The following GRIK4 variants were observed in gnomAD, a reference collection of about 807,000 sequenced individuals.
The protein encoded by GRIK4 is glutamate ionotropic receptor kainate type subunit 4.
A neutral mutation model predicts 104.9 loss-of-function variants in GRIK4; 40 were observed. The observed-to-expected ratio is 0.38, with a 90% CI of 0.30 to 0.50. GRIK4 has a LOEUF of 0.50. GRIK4 is among the 20% of genes least tolerant of loss of function. GRIK4 has a pLI of 0.93. For synonymous variants in GRIK4, 485 were observed against 524.9 expected (o/e 0.92, Z 1.04); for missense variants, 1,047 against 1,308.1 (o/e 0.80, Z 3.08).
At chr11:120,675,907 A>C (rs181136143) in intron 3 of GRIK4, among the ~76,000 whole-genome samples, 1 of 152,230 alleles carries the variant, frequency 6.6e-6, no homozygotes, top group African/African-American at 2.4e-5. Flanking sequence ...ATTTTCACAA[A>C]CTTAGTGGCT....
intron 3 of GRIK4, among the ~76,000 whole-genome samples, chr11:120,785,046 T>C (rs1400847588): frequency 6.8e-6 from 1 of 147,888 alleles, no homozygotes; most frequent in Admixed American, 6.6e-5. Flanking sequence ...CTATGAAGGC[T>C]CCCAGCAGCC....
At chr11:120,830,099 G>C (rs1953380683) in intron 6 of GRIK4, among the ~76,000 whole-genome samples, 1 of 151,856 alleles carries the variant, frequency 6.6e-6, no homozygotes, top group African/African-American at 2.4e-5. Flanking sequence ...CAGGTGACAG[G>C]AAGACGGGTT....
intron 6 of GRIK4, 110 bp downstream of exon 6, chr11:120,820,030 G>C: frequency 1.0e-6 from 1 of 984,622 alleles, no homozygotes; most frequent in Non-Finnish European, 1.6e-6. Flanking sequence ...GCTTCCTTCA[G>C]ATCCACAGGG....
intron 13 of GRIK4, among the ~76,000 whole-genome samples, chr11:120,917,266 A>AG (rs1943127233): frequency 6.8e-6 from 1 of 146,940 alleles, no homozygotes; most frequent in Non-Finnish European, 1.5e-5. Flanking sequence ...AAAAAAAAAA[A>AG]AAAAAAGAAA....
intron 11 of GRIK4, among the ~76,000 whole-genome samples, chr11:120,883,161 G>A (rs745971458): frequency 1.3e-5 from 2 of 152,186 alleles, no homozygotes; most frequent in Non-Finnish European, 2.9e-5. Context: ...GGACTGGTGT[G>A]TGCACAGCCC....
intron 1 of GRIK4, among the ~76,000 whole-genome samples, chr11:120,653,156 A>G (rs1215385557): frequency 6.6e-6 from 1 of 152,366 alleles, no homozygotes; most frequent in East Asian, 1.9e-4. Context: ...GGCACTGTCC[A>G]AGGTGCTGAA....
intron 3 of GRIK4, among the ~76,000 whole-genome samples, chr11:120,711,382 G>C (rs997894331): frequency 6.6e-6 from 1 of 152,122 alleles, no homozygotes; most frequent in Middle Eastern, 3.2e-3. Flanking sequence ...AGACCTCCTG[G>C]TGCCCATCAC....
chr11:120,728,918 C>T (rs1396340401), intron 3 of GRIK4, among the ~76,000 whole-genome samples: 1 of 152,186 alleles, frequency 6.6e-6, no homozygotes, highest in African/African-American at 2.4e-5. Flanking sequence ...TTCCCCACTA[C>T]CCTTCCTAGC....
intron 1 of GRIK4, among the ~76,000 whole-genome samples, chr11:120,584,058 A>AT (rs1948624171): frequency 6.6e-6 from 1 of 152,124 alleles, no homozygotes; most frequent in African/African-American, 2.4e-5. Context: ...TTGTACATTG[A>AT]TTTTGTATCC....
chr11:120,920,447 A>C (rs1250005557), intron 13 of GRIK4, among the ~76,000 whole-genome samples: 1 of 151,956 alleles, frequency 6.6e-6, no homozygotes, highest in African/African-American at 2.4e-5. Context: ...TCCAGGCCCC[A>C]GTCTTCCCTC....
chr11:120,535,710 A>C (rs1416866760), intron 1 of GRIK4, among the ~76,000 whole-genome samples: 3 of 152,262 alleles, frequency 2.0e-5, no homozygotes, highest in Non-Finnish European at 2.9e-5. Flanking sequence ...GAGCACGGGC[A>C]GTGGGCTAGC....
rs57240310 is a variant in GRIK4, at chr11:120,743,539, T to C, written c.83-59154T>C. 9.3e-4 allele frequency among the ~76,000 whole-genome samples: 142 copies of C among 152,334 alleles called. No individual in the cohort carries two copies. The East Asian group carries it at 0.018, about 19-fold the overall frequency. On this transcript the variant is annotated intron_variant, in intron 3 of 20. Transcript: ENST00000527524. ...AATCCCTGTTATGTGAGTTTACTTA[T>C]GTAACGAGCCTTCATGTGTACCTCC...
chr11:120,554,082 T>C (rs1591690486), intron 1 of GRIK4, among the ~76,000 whole-genome samples: 1 of 142,538 alleles, frequency 7.0e-6, no homozygotes, highest in Admixed American at 6.9e-5. Context: ...CCCCACCCAC[T>C]CACACCCCCA....
intron 3 of GRIK4, among the ~76,000 whole-genome samples, chr11:120,801,998 C>T (rs1227386307): frequency 6.6e-6 from 1 of 152,228 alleles, no homozygotes; most frequent in Non-Finnish European, 1.5e-5. Context: ...TGGTATTACA[C>T]CACTGCAGTT....
In GRIK4 at chr11:120,986,217, G is replaced by T. The variant is rs757362224; in HGVS notation, c.2828G>T (p.Ser943Ile). The T allele has an allele frequency of 3.2e-6, 5 of 1,572,842 alleles. No homozygotes were observed. Among genetic ancestry groups the T allele is most frequent in the South Asian group, 2.3e-5 (2 of 88,648 alleles). The change falls in exon 21 of 21, where the codon AGC becomes ATC. Residue 943 changes from serine (S) to isoleucine (I), a missense_variant. Around this residue, in one of 3 missense-constraint regions of GRIK4, gnomAD observed 160 missense variants for 140.9 expected, o/e 1.14. Transcript: ENST00000527524. ...ARPSPARSEE[S>I]LEWEKTTNSS... ...CCGTCGCCCGCCCGCAGCGAGGAGA[G>T]CCTGGAGTGGGAGAAAACCACCAAC... is the stretch of plus-strand genomic sequence containing the variant.
chr11:120,712,097 T>G (rs372273737), intron 3 of GRIK4, among the ~76,000 whole-genome samples: 27 of 152,244 alleles, frequency 1.8e-4, no homozygotes, highest in African/African-American at 6.0e-4. Context: ...TAAATGGACA[T>G]GTCAATAAAT....
At chr11:120,867,586 T>C (rs1745545738) in intron 9 of GRIK4, among the ~76,000 whole-genome samples, 1 of 152,104 alleles carries the variant, frequency 6.6e-6, no homozygotes, top group Non-Finnish European at 1.5e-5. Flanking sequence ...GGTCTGCCGC[T>C]CTTCCTCACC....
chr11:120,750,600 C>G (rs898454552), intron 3 of GRIK4, among the ~76,000 whole-genome samples: 1 of 152,044 alleles, frequency 6.6e-6, no homozygotes, highest in African/African-American at 2.4e-5. Flanking sequence ...AACTCCTGAC[C>G]TCAAGTGATC....
intron 1 of GRIK4, among the ~76,000 whole-genome samples, chr11:120,626,670 C>T (rs915638707): frequency 1.3e-5 from 2 of 152,166 alleles, no homozygotes; most frequent in Admixed American, 1.3e-4. Context: ...CTCATTGCAT[C>T]TGTTCCTCTG....
Sources: allele counts gnomAD v4.1 joint callset (sites outside exome capture counted in the v4.1 genomes callset), GRCh38; gene constraint gnomAD v4.1.1; regional missense constraint gnomAD v4.1.1; transcripts MANE v1.5; gene names NCBI Gene and HGNC (gene_info 2026-07-23, HGNC 2026-07-21).